Variants in SYNRG observed in about 807,000 individuals in gnomAD.
The protein encoded by SYNRG is AP1 gamma subunit binding protein 1.
Under a neutral mutation model 130.9 loss-of-function variants are expected in SYNRG, and 37 were observed. That is an observed-to-expected ratio of 0.28 (90% CI 0.22 to 0.37). SYNRG has a LOEUF of 0.37. SYNRG is among the 10% of genes least tolerant of loss of function. SYNRG has a pLI of 1.00. For synonymous variants in SYNRG, 539 were observed against 568.1 expected, an observed-to-expected ratio of 0.95 and a Z score of 0.73; for missense variants, 1,338 against 1,588.9, an observed-to-expected ratio of 0.84 and a Z score of 2.68.
chr17:37,542,230 T>G lies in SYNRG; in HGVS notation c.2944A>C (p.Asn982His). ...TTTGTGAAATCTTTATAGTCTCTGTTTTCATATTCCTTTTGCTCACTGGTC... is the reference window on the plus strand; with the variant it reads ...TTTGTGAAATCTTTATAGTCTCTGTGTTCATATTCCTTTTGCTCACTGGTC... Reference protein sequence around the residue: ...PQTSEQKEYENRDYKDFTKQD... With the variant: ...PQTSEQKEYEHRDYKDFTKQD... The change falls in exon 15 of 22, where the codon AAC becomes CAC. Residue 982 changes from asparagine to histidine, a missense_variant. By Grantham distance (68) the Asn-to-His change is moderately conservative. This residue lies in a region of SYNRG where 1,146 missense variants were observed against 1,342.3 expected (regional missense o/e 0.85). Coordinates refer to ENST00000612223, the MANE Select transcript of SYNRG (RefSeq NM_007247.6). The G allele has an allele frequency of 6.2e-7, 1 of 1,614,220 alleles. No individual in the cohort carries two copies. Among genetic ancestry groups the G allele is most frequent in the Non-Finnish European group, 8.5e-7 (1 of 1,180,040 alleles).
At chr17:37,596,825 A>G (rs969325468) in intron 2 of SYNRG, among the ~76,000 whole-genome samples, 1 of 151,982 alleles carries the variant, frequency 6.6e-6, no homozygotes, top group Non-Finnish European at 1.5e-5. Flanking sequence ...GTGCAGTGGC[A>G]TGATCTCAGC....
intron 4 of SYNRG, among the ~76,000 whole-genome samples, chr17:37,585,995 TTTTTTG>T: frequency 6.6e-6 from 1 of 152,108 alleles, no homozygotes; most frequent in African/African-American, 2.4e-5. Context: ...TTAAAGAGGC[TTTTTTG>T]TTTTTGTTTT....
chr17:37,608,529 A>G (rs1002930091), intron 1 of SYNRG, among the ~76,000 whole-genome samples: 1 of 152,218 alleles, frequency 6.6e-6, no homozygotes, highest in Non-Finnish European at 1.5e-5. Flanking sequence ...GGGTATAAGA[A>G]CCACGGCAGT....
chr17:37,580,510 T>TGTGAGAGAGAGAGAGAGA (rs1384344164), intron 6 of SYNRG, among the ~76,000 whole-genome samples: 4 of 127,660 alleles, frequency 3.1e-5, no homozygotes, highest in African/African-American at 1.5e-4. Flanking sequence ...TGTGTGTGTG[T>TGTGAGAGAGAGAGAGAGA]GAGAGAGAGA....
At chr17:37,532,490 G>A (rs1185089280) in intron 19 of SYNRG, among the ~76,000 whole-genome samples, 1 of 151,686 alleles carries the variant, frequency 6.6e-6, no homozygotes, top group Non-Finnish European at 1.5e-5. Context: ...CTGGCCAACA[G>A]GGTGAAACCC....
rs577686846 is a variant in SYNRG, at chr17:37,576,255, G to A, written c.901+86C>T. On this transcript the variant is annotated intron_variant, in intron 8 of 21. Coordinates refer to ENST00000612223, the MANE Select transcript of SYNRG (RefSeq NM_007247.6). ...ACAACTCCTCCTGCATTTTTTGTAA[G>A]TGCAACAGTAAATATTTACAACTAC... 60 of 1,336,514 alleles carry A rather than the reference G, an allele frequency of 4.5e-5. No homozygotes were observed. The East Asian group carries it at 1.4e-3, about 31-fold the overall frequency. The allele number at this position is 1,336,514 out of a possible 1,614,324, so 82.8% of individuals were successfully genotyped here. A position where few individuals can be genotyped will look rare whatever the true frequency, so the allele number is the denominator to read the frequency against.
chr17:37,606,931 T>A (rs8079671), intron 1 of SYNRG, among the ~76,000 whole-genome samples: 3 of 152,090 alleles, frequency 2.0e-5, no homozygotes, highest in South Asian at 2.1e-4. Context: ...TTAAGTTTCC[T>A]TATAAAATAA....
At chr17:37,582,642 C>T (rs1204280516) in intron 6 of SYNRG, among the ~76,000 whole-genome samples, 2 of 152,140 alleles carry the variant, frequency 1.3e-5, no homozygotes, top group Non-Finnish European at 2.9e-5. Context: ...AGGTGGACTG[C>T]TTGAGCCCAG....
At chr17:37,577,198 T>G (rs1481840175) in intron 7 of SYNRG, among the ~76,000 whole-genome samples, 182 bp downstream of exon 7, 1 of 152,170 alleles carries the variant, frequency 6.6e-6, no homozygotes, top group East Asian at 1.9e-4. Context: ...AACAGTGTGT[T>G]GAAAGAATTC....
chr17:37,572,051 C>T (rs897846967), intron 8 of SYNRG, 64 bp from the exon 9 acceptor site: 1 of 1,380,218 alleles, frequency 7.2e-7, no homozygotes, highest in African/African-American at 1.4e-5. Flanking sequence ...TTTTGGGATG[C>T]CATTGTTGGT....
intron 3 of SYNRG, among the ~76,000 whole-genome samples, chr17:37,587,466 C>T (rs551691061): frequency 6.6e-6 from 1 of 152,340 alleles, no homozygotes; most frequent in East Asian, 1.9e-4. Context: ...CATTTGGAGA[C>T]TGCTACTTCT....
Position 37,514,909 on chromosome 17 carries a change from A to G in SYNRG, c.*4031T>C, listed in dbSNP as rs764823042. The G allele has an allele frequency of 3.3e-5, 5 of 152,234 alleles. No individual in the cohort carries two copies. Among genetic ancestry groups the G allele is most frequent in the Non-Finnish European group, 7.3e-5 (5 of 68,038 alleles). 9.4% of individuals were successfully genotyped at this position (152,234 alleles called of 1,614,324 possible). On this transcript the variant is annotated 3_prime_UTR_variant, in exon 22 of 22. Coordinates refer to ENST00000612223, the MANE Select transcript of SYNRG (RefSeq NM_007247.6). ...GTAAAGCTTTATAATGTCTAAACAC[A>G]TCAATTAGAGCAGTTGTTTATTAAA...
At chr17:37,542,788 C>G (rs1362017472) in intron 14 of SYNRG, among the ~76,000 whole-genome samples, 1 of 152,120 alleles carries the variant, frequency 6.6e-6, no homozygotes, top group Non-Finnish European at 1.5e-5. Context: ...TACCAAGAAC[C>G]ATTTTCTTTG....
chr17:37,580,588 G>A (rs774857466), intron 6 of SYNRG, among the ~76,000 whole-genome samples: 1 of 151,752 alleles, frequency 6.6e-6, no homozygotes, highest in Non-Finnish European at 1.5e-5. Flanking sequence ...AGACTTGAGT[G>A]CAGTGGCGCG....
At chr17:37,529,522 A>G (rs1329227958) in intron 19 of SYNRG, among the ~76,000 whole-genome samples, 2 of 137,570 alleles carry the variant, frequency 1.5e-5, no homozygotes, top group Non-Finnish European at 3.1e-5. Context: ...TTTATTGTAC[A>G]TGTATATATA....
In SYNRG at chr17:37,518,525, T is replaced by C. The variant is rs2054596222; in HGVS notation, c.*415A>G. ...AACAAACTAAATGCAGATAAATGTA[T>C]TCTACTTCACAGGACAGTAAGTGTC... On this transcript the variant is annotated 3_prime_UTR_variant, in exon 22 of 22. Transcript: ENST00000612223. 6.0e-6 allele frequency: 1 copy of C among 166,266 alleles called. No homozygotes were observed. The highest frequency in any genetic ancestry group is 1.9e-4 in the South Asian group (1 of 5,270). 10.3% of individuals were successfully genotyped at this position (166,266 alleles called of 1,614,324 possible). A position where few individuals can be genotyped will look rare whatever the true frequency, so the allele number is the denominator to read the frequency against.
rs1037602636 is a variant in SYNRG, at chr17:37,539,228, T to C, written c.3384A>G (p.Ala1128=). 6 of 1,614,100 alleles carry C rather than the reference T, an allele frequency of 3.7e-6. No individual in the cohort carries two copies. The African/African-American group carries it at 6.7e-5, about 18-fold the overall frequency. The change falls in exon 17 of 22, where the codon GCA becomes GCG. Residue 1128 remains alanine, a synonymous_variant. Transcript: ENST00000612223. ...TCCCCAGGCATCTCTGCCATTCATA[T>C]GCATATCTCTCATTTTCCTGTGAAT... ...TGEVEENERY[A]YEWQRCLGSA...
At chr17:37,540,625 C>T (rs2057662413) in intron 15 of SYNRG, 82 bp from the exon 16 acceptor site, 10 of 1,232,522 alleles carry the variant, frequency 8.1e-6, no homozygotes, top group Middle Eastern at 2.0e-4. Flanking sequence ...TACCACAACC[C>T]TCTTCTTTTT....
chr17:37,526,787 T>C (rs2055976232), intron 19 of SYNRG, among the ~76,000 whole-genome samples: 1 of 152,204 alleles, frequency 6.6e-6, no homozygotes, highest in Non-Finnish European at 1.5e-5. Context: ...TAAGGATCCA[T>C]GTGATGACAT....
Sources: gnomAD v4.1 joint callset for allele counts (sites outside exome capture counted in the v4.1 genomes callset) on GRCh38, gnomAD v4.1.1 for gene constraint, gnomAD v4.1.1 regional missense constraint, MANE v1.5 for transcripts, NCBI Gene and HGNC (gene_info 2026-07-23, HGNC 2026-07-21) for gene names.